Variants in PRDM10 observed in about 807,000 individuals in gnomAD.
PRDM10 encodes the protein PR domain zinc finger protein 10.
In PRDM10, 65 loss-of-function variants were observed where a neutral mutation model predicts 133.1. The observed-to-expected ratio is 0.49, with a 90% CI of 0.40 to 0.60. The LOEUF is 0.60. PRDM10 is among the 20% of genes least tolerant of loss of function. PRDM10 has a pLI of 0.00. For synonymous variants in PRDM10, 582 were observed against 580.4 expected, an observed-to-expected ratio of 1.00 and a Z score of -0.04; for missense variants, 1,137 against 1,507.1, an observed-to-expected ratio of 0.75 and a Z score of 4.07.
chr11:129,990,720 C>G (rs1938691824), intron 1 of PRDM10, among the ~76,000 whole-genome samples: 1 of 152,150 alleles, frequency 6.6e-6, no homozygotes. Flanking sequence ...GATCCTCCCA[C>G]TTCGGCCCCC....
rs185366364 is a variant in PRDM10 at position 129,989,182 on chromosome 11, G to A, written c.-119+13540C>T. Among the ~76,000 whole-genome samples the A allele has an allele frequency of 7.2e-5, 11 of 151,836 alleles. No individual in the cohort carries two copies. In the East Asian group the frequency reaches 2.2e-3, roughly 30 times the overall value. Reference sequence around the variant, plus strand: ...CCAGGCCAGCACAGTGGCTCACTCTGTAATCCCAGCACTTTGGGAGGCTGA... The same window carrying A: ...CCAGGCCAGCACAGTGGCTCACTCTATAATCCCAGCACTTTGGGAGGCTGA... On this transcript the variant is annotated intron_variant, in intron 1 of 20. Transcript: ENST00000360871.
chr11:130,000,050 T>TA (rs1939262493), intron 1 of PRDM10, among the ~76,000 whole-genome samples: 1 of 151,370 alleles, frequency 6.6e-6, no homozygotes, highest in South Asian at 2.1e-4. Context: ...AAATTTTTTT[T>TA]TTTTTTTTTT....
chr11:129,931,566 A>ATTTTTTTTT (rs1164067658), intron 10 of PRDM10, among the ~76,000 whole-genome samples: 1 of 124,404 alleles, frequency 8.0e-6, no homozygotes, highest in Non-Finnish European at 1.7e-5. Flanking sequence ...TTTTTATTTT[A>ATTTTTTTTT]TTTTATTTTA....
chr11:129,935,943 G>A (rs1361688626), intron 8 of PRDM10, among the ~76,000 whole-genome samples: 1 of 152,208 alleles, frequency 6.6e-6, no homozygotes, highest in Non-Finnish European at 1.5e-5. Context: ...CTAATGAGAT[G>A]CTTCAGAGCA....
intron 13 of PRDM10, among the ~76,000 whole-genome samples, chr11:129,920,092 A>C (rs1950478408): frequency 6.6e-6 from 1 of 151,384 alleles, no homozygotes. Context: ...TTTTCCTCCA[A>C]CTCCTCTCGC....
intron 2 of PRDM10, among the ~76,000 whole-genome samples, chr11:129,960,690 G>A (rs1312553540): frequency 6.6e-6 from 1 of 152,180 alleles, no homozygotes; most frequent in Non-Finnish European, 1.5e-5. Context: ...GCCTATAGCT[G>A]GTGGTCTAGC....
intron 13 of PRDM10, among the ~76,000 whole-genome samples, chr11:129,921,999 G>C (rs1344139181): frequency 6.6e-6 from 1 of 152,016 alleles, no homozygotes; most frequent in Non-Finnish European, 1.5e-5. Flanking sequence ...CTTCCCATTT[G>C]ACCACCCAGA....
rs763887690 is a variant in PRDM10, at chr11:129,902,372, T to C, written c.3412A>G (p.Ile1138Val). ...TNSQQQTTQY[I>V]ITTTTNGNGS... The stretch of plus-strand genomic sequence containing the variant: ...TTCCCGTTGGTGGTGGTGGTGATGA[T>C]GTACTGTGTGGTCTGCTGTTGGCTG... The change falls in exon 21 of 21, where the codon ATC (isoleucine) becomes GTC (valine). Residue 1138 changes from isoleucine to valine, a missense_variant. Physicochemically the swap from Ile to Val is conservative, Grantham distance 29. Around this residue, in one of 6 missense-constraint regions of PRDM10, gnomAD observed 243 missense variants for 259.2 expected, o/e 0.94. Coordinates refer to ENST00000360871, the MANE Select transcript of PRDM10 (RefSeq NM_199437.2). 2.4e-5 allele frequency: 38 copies of C among 1,614,108 alleles called. No individual in the cohort carries two copies. Among genetic ancestry groups the C allele is most frequent in the Non-Finnish European group, 3.1e-5 (37 of 1,179,972 alleles).
chr11:129,947,519 C>T lies in PRDM10; in HGVS notation c.295-149G>A, dbSNP rs1268321140. On this transcript the variant is annotated intron_variant, in intron 4 of 20. Transcript: ENST00000360871. The surrounding 1 kb of genome is among the most constrained non-coding windows in gnomAD (Gnocchi z 4.6). ...CAGGCCCTGGAAAAATGACTTCCAT[C>T]TACCGGCTGTGAGGAAGAGCTGGCT... 11 of 1,509,468 alleles carry T rather than the reference C, an allele frequency of 7.3e-6. No individual in the cohort carries two copies. The highest frequency in any genetic ancestry group is 2.3e-5 in the East Asian group (1 of 43,866). 93.5% of individuals were successfully genotyped at this position (1,509,468 alleles called of 1,614,324 possible). A position where few individuals can be genotyped will look rare whatever the true frequency, so the allele number is the denominator to read the frequency against.
intron 2 of PRDM10, among the ~76,000 whole-genome samples, chr11:129,958,538 G>T (rs1951739737): frequency 6.6e-6 from 1 of 152,128 alleles, no homozygotes. Flanking sequence ...CAGCTACTCA[G>T]GAGGCTGAGA....
intron 1 of PRDM10, among the ~76,000 whole-genome samples, chr11:129,974,420 C>A (rs1335382614): frequency 6.6e-6 from 1 of 151,292 alleles, no homozygotes; most frequent in Non-Finnish European, 1.5e-5. Flanking sequence ...CATGAGAGGA[C>A]AAGAGGAATA....
chr11:129,940,923 T>C (rs1591636128), intron 7 of PRDM10, among the ~76,000 whole-genome samples: 2 of 152,232 alleles, frequency 1.3e-5, no homozygotes, highest in South Asian at 4.1e-4. Context: ...TCCAACTTTA[T>C]AGTTCTATCT....
chr11:129,980,351 C>G (rs1055055324), intron 1 of PRDM10, among the ~76,000 whole-genome samples: 1 of 152,176 alleles, frequency 6.6e-6, no homozygotes, highest in Admixed American at 6.5e-5. Context: ...ACACAGGTAC[C>G]AGTCCTGTGG....
At chr11:129,967,912 C>A (rs1951940358) in intron 1 of PRDM10, among the ~76,000 whole-genome samples, 2 of 152,136 alleles carry the variant, frequency 1.3e-5, no homozygotes, top group East Asian at 3.9e-4. Context: ...CACCCCACAG[C>A]CCTACCCACT....
intron 1 of PRDM10, among the ~76,000 whole-genome samples, chr11:129,981,764 C>T (rs539865832): frequency 2.4e-4 from 36 of 151,950 alleles, no homozygotes; most frequent in African/African-American, 8.0e-4. Context: ...GGCATGGTGG[C>T]GGGCACCTGT....
chr11:129,914,655 G>A (rs751587746), intron 17 of PRDM10, 49 bp downstream of exon 17: 2 of 1,604,682 alleles, frequency 1.2e-6, no homozygotes, highest in African/African-American at 1.3e-5. Context: ...TGAGGTGCTA[G>A]TGGCAACACG....
chr11:129,985,735 T>C lies in PRDM10; in HGVS notation c.-119+16987A>G, dbSNP rs144120619. The stretch of plus-strand genomic sequence containing the variant: ...GGAGGCAGTTTGCAGTGAGCCGAGA[T>C]TGTGCCACTGCACTCCAGCCTGGGT... On this transcript the variant is annotated intron_variant, in intron 1 of 20. Transcript: ENST00000360871. Among the ~76,000 whole-genome samples, 741 of 128,272 alleles carry C rather than the reference T, an allele frequency of 5.8e-3. 10 individuals carry two copies. Among genetic ancestry groups the C allele is most frequent in the African/African-American group, 0.021 (689 of 33,136 alleles). The allele number at this position is 128,272 out of a possible 152,430, so 84.2% of individuals were successfully genotyped here. A position where few individuals can be genotyped will look rare whatever the true frequency, so the allele number is the denominator to read the frequency against.
intron 1 of PRDM10, among the ~76,000 whole-genome samples, chr11:129,973,791 G>T (rs1937625815): frequency 6.6e-6 from 1 of 152,162 alleles, no homozygotes; most frequent in African/African-American, 2.4e-5. Context: ...AACAGTGTAA[G>T]ATAAAACATC....
At chr11:129,902,973 T>A (rs1949888819) in intron 20 of PRDM10, among the ~76,000 whole-genome samples, 1 of 152,122 alleles carries the variant, frequency 6.6e-6, no homozygotes, top group African/African-American at 2.4e-5. Flanking sequence ...GACTTCAGAA[T>A]TTCAAAAGAC....
Sources: allele counts gnomAD v4.1 joint callset (sites outside exome capture counted in the v4.1 genomes callset), GRCh38; gene constraint gnomAD v4.1.1; regional missense constraint gnomAD v4.1.1; non-coding constraint Gnocchi (gnomAD v3.1); transcripts MANE v1.5; gene names NCBI Gene and HGNC (gene_info 2026-07-23, HGNC 2026-07-21).